The following WWOX variants were observed in gnomAD, a reference collection of about 807,000 sequenced individuals.
The protein encoded by WWOX is WW domain-containing oxidoreductase.
A neutral mutation model predicts 46.2 loss-of-function variants in WWOX; 69 were observed. The ratio of observed to expected loss-of-function variants is 1.49; its 90% confidence interval spans 1.23 to 1.82. The LOEUF is 1.82. Among genes scored for constraint, WWOX ranks in the 40% most tolerant of loss-of-function variants. WWOX has a pLI of 0.00. For synonymous variants in WWOX, 359 were observed against 202.6 expected, an observed-to-expected ratio of 1.77 and a Z score of -6.56; for missense variants, 919 against 542.6, an observed-to-expected ratio of 1.69 and a Z score of -6.89.
At chr16:78,388,738 G>C (rs2082113155) in intron 6 of WWOX, among the ~76,000 whole-genome samples, 1 of 151,880 alleles carries the variant, frequency 6.6e-6, no homozygotes, top group African/African-American at 2.4e-5. Flanking sequence ...GTGAGGCCGA[G>C]GTGGGCGGAT....
chr16:78,162,426 A>G (rs1052618558), intron 4 of WWOX, among the ~76,000 whole-genome samples: 1 of 151,956 alleles, frequency 6.6e-6, no homozygotes, highest in South Asian at 2.1e-4. Flanking sequence ...ACACATACAG[A>G]TACACACTCA....
At position 78,542,018 on chromosome 16, in the gene WWOX, C is replaced by CAAAAAAAAAAA. The variant is rs548366256; in HGVS notation, c.1056+109284_1056+109294dup. On this transcript the variant is annotated intron_variant, in intron 8 of 8. Coordinates refer to ENST00000566780, the MANE Select transcript of WWOX (RefSeq NM_016373.4). ...GAGGGTTTCTTTCAACAGAGTATAC[C>CAAAAAAAAAAA]AAAAAAAAAAAAAAAAAAAAAAAAA... 1.5e-3 allele frequency among the ~76,000 whole-genome samples: 59 copies of CAAAAAAAAAAA among 40,638 alleles called. 5 individuals are homozygous for CAAAAAAAAAAA. Among genetic ancestry groups the CAAAAAAAAAAA allele is most frequent in the Non-Finnish European group, 1.8e-3 (45 of 24,854 alleles). 26.7% of individuals were successfully genotyped at this position (40,638 alleles called of 152,430 possible). A position where few individuals can be genotyped will look rare whatever the true frequency, so the allele number is the denominator to read the frequency against.
intron 8 of WWOX, among the ~76,000 whole-genome samples, chr16:78,861,662 T>C (rs1275426702): frequency 2.0e-5 from 3 of 152,224 alleles, no homozygotes; most frequent in Non-Finnish European, 2.9e-5. Flanking sequence ...TGAAGGCCCA[T>C]TTTTCCAATC....
At position 79,097,539 on chromosome 16, in the gene WWOX, G is replaced by A. The variant is rs564855284; in HGVS notation, c.1057-114069G>A. Among the ~76,000 whole-genome samples the A allele has an allele frequency of 2.1e-4, 32 of 152,074 alleles. 1 individual carries two copies. The highest frequency in any genetic ancestry group is 1.3e-4 in the Non-Finnish European group (9 of 68,002). On this transcript the variant is annotated intron_variant, in intron 8 of 8. Coordinates refer to ENST00000566780, the MANE Select transcript of WWOX (RefSeq NM_016373.4). ...TCATATGCTCCACATGCTTTCTAAT[G>A]TCTTTTGTTTGTATTAGGAAAAAAC...
chr16:78,898,319 A>G (rs1227329683), intron 8 of WWOX: 2 of 152,118 alleles, frequency 1.3e-5, no homozygotes, highest in African/African-American at 4.8e-5. Flanking sequence ...ATTTTTGTAT[A>G]TGGTGTGAGG....
chr16:78,239,595 C>T (rs143312682), intron 5 of WWOX, among the ~76,000 whole-genome samples: 3,064 of 152,162 alleles, frequency 0.02, 47 homozygotes, highest in Middle Eastern at 0.051. Flanking sequence ...AGTGCAGCAG[C>T]GCGATCTTGG....
At chr16:79,114,949 C>T (rs1265785259) in intron 8 of WWOX, among the ~76,000 whole-genome samples, 3 of 152,340 alleles carry the variant, frequency 2.0e-5, no homozygotes, top group East Asian at 3.9e-4. Context: ...TTATATACAT[C>T]TCAAGGGCAG....
chr16:78,430,914 A>G (rs1404455397), intron 7 of WWOX, among the ~76,000 whole-genome samples: 2 of 152,184 alleles, frequency 1.3e-5, no homozygotes, highest in Non-Finnish European at 2.9e-5. Flanking sequence ...GATATTAAGG[A>G]ATAATAGGAT....
rs2081067545 is a variant in WWOX at position 78,344,815 on chromosome 16, A to G, written c.517-42045A>G. On this transcript the variant is annotated intron_variant, in intron 5 of 8. Transcript: ENST00000566780. ...CCTTATTTAAAATAGAGAAAAGTGCATCAAGCTCTTGTTAATCTGTCAGGC... is the reference window on the plus strand; with the variant it reads ...CCTTATTTAAAATAGAGAAAAGTGCGTCAAGCTCTTGTTAATCTGTCAGGC... Among the ~76,000 whole-genome samples the G allele has an allele frequency of 1.6e-5, 2 of 121,812 alleles. 1 individual carries two copies. The highest frequency in any genetic ancestry group is 4.9e-4 in the South Asian group (2 of 4,048). 79.9% of individuals were successfully genotyped at this position (121,812 alleles called of 152,430 possible).
intron 8 of WWOX, among the ~76,000 whole-genome samples, chr16:79,182,429 C>G (rs982476887): frequency 1.3e-5 from 2 of 152,160 alleles, no homozygotes; most frequent in African/African-American, 4.8e-5. Context: ...TATATGTTAT[C>G]TAAATATGTG....
intron 8 of WWOX, among the ~76,000 whole-genome samples, chr16:78,741,105 C>T (rs904487348): frequency 1.3e-5 from 2 of 152,148 alleles, no homozygotes; most frequent in African/African-American, 4.8e-5. Context: ...CACAGTCATG[C>T]CTGTTAGGTT....
rs180722190 is a variant in WWOX at position 79,100,894 on chromosome 16, C to G, written c.1057-110714C>G. Reference sequence around the variant, plus strand: ...CAAGATGTCCACTGGCAAGAACTAGCTCCATTTGTATGTTGCACCCAACGG... The same window carrying G: ...CAAGATGTCCACTGGCAAGAACTAGGTCCATTTGTATGTTGCACCCAACGG... On this transcript the variant is annotated intron_variant, in intron 8 of 8. Coordinates refer to ENST00000566780, the MANE Select transcript of WWOX (RefSeq NM_016373.4). 5.0e-4 allele frequency among the ~76,000 whole-genome samples: 76 copies of G among 152,010 alleles called. No individual in the cohort carries two copies. In the Middle Eastern group the frequency reaches 0.01, roughly 20 times the overall value.
chr16:78,996,068 C>G (rs1378066881), intron 8 of WWOX: 1 of 364,254 alleles, frequency 2.7e-6, no homozygotes, highest in Non-Finnish European at 3.8e-6. Flanking sequence ...AATCCAGATC[C>G]AAAAAGTTAT....
intron 8 of WWOX, among the ~76,000 whole-genome samples, chr16:78,664,215 A>G (rs534285150): frequency 1.3e-5 from 2 of 152,286 alleles, no homozygotes; most frequent in East Asian, 3.9e-4. Context: ...AAACATGACC[A>G]CACTGAGCAT....
rs2080995883 is a variant in WWOX at position 78,340,629 on chromosome 16, C to T, written c.517-46231C>T. On this transcript the variant is annotated intron_variant, in intron 5 of 8. Transcript: ENST00000566780. ...GCCACGGCCAGTTAACTGTGGACTC[C>T]TCTGAAGGATGATCTGGCTGGACTA... 1.7e-5 allele frequency among the ~76,000 whole-genome samples: 2 copies of T among 120,992 alleles called. 1 individual carries two copies. Among genetic ancestry groups the T allele is most frequent in the African/African-American group, 5.6e-5 (2 of 35,780 alleles). The allele number at this position is 120,992 out of a possible 152,430, so 79.4% of individuals were successfully genotyped here.
At chr16:79,211,034 A>AGGGTGTGTGT (rs1555547724) in intron 8 of WWOX, among the ~76,000 whole-genome samples, 5 of 149,602 alleles carry the variant, frequency 3.3e-5, no homozygotes, top group African/African-American at 1.2e-4. Flanking sequence ...TATGGTGAGG[A>AGGGTGTGTGT]GTGTGTGTGT....
At chr16:78,323,683 C>A (rs994051267) in intron 5 of WWOX, among the ~76,000 whole-genome samples, 2 of 152,162 alleles carry the variant, frequency 1.3e-5, no homozygotes, top group African/African-American at 2.4e-5. Flanking sequence ...GTGGATTCCC[C>A]ATCTCCTCTT....
rs565252385 is a variant in WWOX at position 78,155,025 on chromosome 16, G to A, written c.410-9158G>A. Among the ~76,000 whole-genome samples, 3 of 152,302 alleles carry A rather than the reference G, an allele frequency of 2.0e-5. No homozygotes were observed. The South Asian group carries it at 6.2e-4, about 32-fold the overall frequency. Reference sequence around the variant, plus strand: ...CAAACCCCACCTCTAGCTGACAGTGGCTTCTCAGCTAACCTGTCACCACGT... The same window carrying A: ...CAAACCCCACCTCTAGCTGACAGTGACTTCTCAGCTAACCTGTCACCACGT... On this transcript the variant is annotated intron_variant, in intron 4 of 8. Coordinates refer to ENST00000566780, the MANE Select transcript of WWOX (RefSeq NM_016373.4).
At chr16:78,761,698 T>G (rs544603629) in intron 8 of WWOX, among the ~76,000 whole-genome samples, 1 of 152,312 alleles carries the variant, frequency 6.6e-6, no homozygotes, top group East Asian at 1.9e-4. Flanking sequence ...TCCTTGGCTT[T>G]GAAGCTCTCC....
Sources: gnomAD v4.1 joint callset for allele counts (sites outside exome capture counted in the v4.1 genomes callset) on GRCh38, gnomAD v4.1.1 for gene constraint, MANE v1.5 for transcripts, NCBI Gene and HGNC (gene_info 2026-07-23, HGNC 2026-07-21) for gene names.